The following TMEM192 variants were observed in gnomAD, a reference collection of about 807,000 sequenced individuals.
The protein encoded by TMEM192 is transmembrane protein 192.
Under a neutral mutation model 26.7 loss-of-function variants are expected in TMEM192, and 20 were observed. The observed-to-expected ratio is 0.75, with a 90% CI of 0.53 to 1.09. The LOEUF (loss-of-function observed/expected upper bound fraction) is 1.09, where lower values mean the gene tolerates loss of function less well. Among genes scored for constraint, TMEM192 ranks in the 50% least tolerant of loss-of-function variants. TMEM192 has a pLI of 0.00. For synonymous variants in TMEM192, 124 were observed against 121.0 expected, an observed-to-expected ratio of 1.02 and a Z score of -0.16; for missense variants, 304 against 322.6, an observed-to-expected ratio of 0.94 and a Z score of 0.44.
chr4:165,091,199 C>T (rs1302336043), intron 3 of TMEM192, among the ~76,000 whole-genome samples: 4 of 150,368 alleles, frequency 2.7e-5, no homozygotes, highest in Non-Finnish European at 4.4e-5. Context: ...ACCCGGGAGG[C>T]GGAGCTTGCA....
At chr4:165,084,141 T>TTCTTTG (rs1316568761) in intron 5 of TMEM192, among the ~76,000 whole-genome samples, 1 of 151,924 alleles carries the variant, frequency 6.6e-6, no homozygotes, top group African/African-American at 2.4e-5. Flanking sequence ...CTTTTTCTTT[T>TTCTTTG]TTTAACTAGT....
At chr4:165,096,959 T>C (rs1417130633) in intron 3 of TMEM192, among the ~76,000 whole-genome samples, 1 of 4,564 alleles carries the variant, frequency 2.2e-4, no homozygotes, top group Non-Finnish European at 3.4e-3. Context: ...ATTAAGTTTT[T>C]TCTTTTTTTT....
rs150217486 is a variant in TMEM192, at chr4:165,085,768, G to C, written c.575-80C>G. On this transcript the variant is annotated intron_variant, in intron 4 of 5. Transcript: ENST00000306480. ...TTTTTTCAAATTATGCTAATTTGCC[G>C]TTCTTATTAACGTCCTTGAGTATTT... 19 of 1,051,892 alleles carry C rather than the reference G, an allele frequency of 1.8e-5. No individual in the cohort carries two copies. In the East Asian group the frequency reaches 4.6e-4, roughly 26 times the overall value. 65.2% of individuals were successfully genotyped at this position (1,051,892 alleles called of 1,614,324 possible).
chr4:165,090,482 T>C (rs964410361), intron 3 of TMEM192, among the ~76,000 whole-genome samples: 2 of 152,080 alleles, frequency 1.3e-5, no homozygotes, highest in African/African-American at 4.8e-5. Context: ...CTCCTGTACT[T>C]GGGACCCTGC....
intron 1 of TMEM192, 130 bp downstream of exon 1, chr4:165,112,617 G>A: frequency 2.2e-6 from 3 of 1,378,638 alleles, no homozygotes; most frequent in Non-Finnish European, 3.0e-6. Context: ...CCCGGGCACA[G>A]GCGGCGCCCC....
intron 1 of TMEM192, 53 bp downstream of exon 1, chr4:165,112,694 C>G: frequency 1.9e-6 from 3 of 1,605,466 alleles, no homozygotes; most frequent in Non-Finnish European, 1.7e-6. Context: ...TGCGCCCCGG[C>G]ACAAGAAAAA....
chr4:165,095,389 T>C (rs984851370), intron 3 of TMEM192, among the ~76,000 whole-genome samples: 1 of 152,226 alleles, frequency 6.6e-6, no homozygotes, highest in Non-Finnish European at 1.5e-5. Flanking sequence ...CCAGCTGCTC[T>C]GGCTTACCCC....
rs757680935 is a variant in TMEM192 at position 165,079,650 on chromosome 4, T to C, written c.*8A>G. On this transcript the variant is annotated 3_prime_UTR_variant, in exon 6 of 6. Coordinates refer to ENST00000306480, the MANE Select transcript of TMEM192 (RefSeq NM_001100389.2). The stretch of plus-strand genomic sequence containing the variant: ...TCCTCTGCAATTGCTGTCATGACCG[T>C]GAGCCTCTCACGTTCTACTTGGCTG... The C allele has an allele frequency of 2.5e-6, 4 of 1,606,122 alleles. No individual in the cohort carries two copies. The highest frequency in any genetic ancestry group is 1.7e-5 in the Admixed American group (1 of 58,946).
intron 1 of TMEM192, among the ~76,000 whole-genome samples, chr4:165,106,522 G>A (rs1210525684): frequency 2.0e-5 from 3 of 152,240 alleles, no homozygotes; most frequent in South Asian, 2.1e-4. Context: ...ATATGGGCAA[G>A]CACCATCCAA....
chr4:165,103,232 AT>A (rs1309570034), intron 1 of TMEM192, 136 bp from the exon 2 acceptor site: 19 of 541,692 alleles, frequency 3.5e-5, no homozygotes, highest in Non-Finnish European at 5.0e-5. Context: ...CCTGAATCCA[AT>A]TTTTTAAAAA....
intron 3 of TMEM192, among the ~76,000 whole-genome samples, chr4:165,098,815 A>C (rs1734973911): frequency 6.6e-6 from 1 of 151,766 alleles, no homozygotes; most frequent in Non-Finnish European, 1.5e-5. Context: ...CTCCTGCCTC[A>C]GCCTCCCAAG....
At position 165,103,063 on chromosome 4, in the gene TMEM192, C is replaced by G. The variant is rs762221466; in HGVS notation, c.61G>C (p.Asp21His). Residue 21 changes from aspartate to histidine, a missense_variant, in exon 2 of 6, where the codon GAC becomes CAC. Asp to His is a moderately conservative substitution (Grantham distance 81). Transcript: ENST00000306480. ...SLDITQSIED[D>H]PLLDAQLLPH... ...AGAAGCTGGGCATCCAGAAGTGGGT[C>G]GTCTTCAATACTCTGGGTGATATCC... 4 of 1,612,934 alleles carry G rather than the reference C, an allele frequency of 2.5e-6. No homozygotes were observed. The highest frequency in any genetic ancestry group is 1.3e-5 in the African/African-American group (1 of 74,818).
chr4:165,095,004 G>A (rs939190067), intron 3 of TMEM192, among the ~76,000 whole-genome samples: 2 of 151,820 alleles, frequency 1.3e-5, no homozygotes, highest in Non-Finnish European at 2.9e-5. Flanking sequence ...TAAGGTTAAT[G>A]CTTGCTATTC....
rs1440883330 is a variant in TMEM192, at chr4:165,070,942, CACAG to C, written c.*8712_*8715del. The C allele has an allele frequency of 3.3e-5, 5 of 152,066 alleles. No homozygotes were observed. Among genetic ancestry groups the C allele is most frequent in the African/African-American group, 7.3e-5 (3 of 41,360 alleles). The allele number at this position is 152,066 out of a possible 1,614,324, so 9.4% of individuals were successfully genotyped here. A position where few individuals can be genotyped will look rare whatever the true frequency, so the allele number is the denominator to read the frequency against. ...ATAGAGCTTACATTCTATCAGGAGA[CACAG>C]ACAAAGTAAACAAGTAAGTTACATG... On this transcript the variant is annotated 3_prime_UTR_variant, in exon 6 of 6. Coordinates refer to ENST00000306480, the MANE Select transcript of TMEM192 (RefSeq NM_001100389.2).
rs189179359 is a variant in TMEM192 at position 165,073,312 on chromosome 4, A to G, written c.*6346T>C. ...GTGCTGTATTGGATCAGTTTAATGG[A>G]TTTAGGGCTGTGCAGGATGTGCCTT... On this transcript the variant is annotated 3_prime_UTR_variant, in exon 6 of 6. Coordinates refer to ENST00000306480, the MANE Select transcript of TMEM192 (RefSeq NM_001100389.2). 1 of 152,392 alleles carries G rather than the reference A, an allele frequency of 6.6e-6. No individual in the cohort carries two copies. Among genetic ancestry groups the G allele is most frequent in the Non-Finnish European group, 1.5e-5 (1 of 68,092 alleles). 9.4% of individuals were successfully genotyped at this position (152,392 alleles called of 1,614,324 possible).
At chr4:165,096,640 T>TC (rs1734913598) in intron 3 of TMEM192, among the ~76,000 whole-genome samples, 1 of 151,666 alleles carries the variant, frequency 6.6e-6, no homozygotes, top group East Asian at 1.9e-4. Context: ...TTTTTTTTTT[T>TC]TTGCAAATAA....
Position 165,095,732 on chromosome 4 carries a change from C to T in TMEM192, c.439+4896G>A, listed in dbSNP as rs376067857. ...AGTTTTCATTTCAATGTGAAAAAAG[C>T]CCCAAATATGCAACTTGGCTATGTA... On this transcript the variant is annotated intron_variant, in intron 3 of 5. Transcript: ENST00000306480. 1.2e-3 allele frequency among the ~76,000 whole-genome samples: 176 copies of T among 152,130 alleles called. 1 individual carries two copies. The highest frequency in any genetic ancestry group is 4.1e-3 in the African/African-American group (170 of 41,510).
At chr4:165,108,115 T>G (rs1349773469) in intron 1 of TMEM192, among the ~76,000 whole-genome samples, 1 of 13,620 alleles carries the variant, frequency 7.3e-5, no homozygotes, top group East Asian at 0.025. Context: ...GTATTCCCTT[T>G]TTTTTTTTTT....
chr4:165,071,978 C>CT lies in TMEM192; in HGVS notation c.*7679_*7680insA. On this transcript the variant is annotated 3_prime_UTR_variant, in exon 6 of 6. Transcript: ENST00000306480. ...CTCTTATAGGCCAGGTGTGGTGGCT[C>CT]ATGCCTGTAATCCCAGTACTTTGGG... The CT allele has an allele frequency of 6.6e-6, 1 of 152,352 alleles. No individual in the cohort carries two copies. Among genetic ancestry groups the CT allele is most frequent in the South Asian group, 2.1e-4 (1 of 4,832 alleles). 9.4% of individuals were successfully genotyped at this position (152,352 alleles called of 1,614,324 possible). A position where few individuals can be genotyped will look rare whatever the true frequency, so the allele number is the denominator to read the frequency against.
Sources: allele counts gnomAD v4.1 joint callset (sites outside exome capture counted in the v4.1 genomes callset), GRCh38; gene constraint gnomAD v4.1.1; transcripts MANE v1.5; gene names NCBI Gene and HGNC (gene_info 2026-07-23, HGNC 2026-07-21).